Variants in CREM observed in about 807,000 individuals in gnomAD.
The protein encoded by CREM is cAMP-responsive element modulator.
Under a neutral mutation model 37.3 loss-of-function variants are expected in CREM, and 13 were observed. The ratio of observed to expected loss-of-function variants is 0.35; its 90% CI spans 0.23 to 0.55. The LOEUF (loss-of-function observed/expected upper bound fraction) is 0.55. Among genes scored for constraint, CREM ranks in the 20% least tolerant of loss-of-function variants. The pLI is 0.88. For synonymous variants in CREM, 124 were observed against 120.2 expected, an observed-to-expected ratio of 1.03 and a Z score of -0.21; for missense variants, 296 against 362.3, an observed-to-expected ratio of 0.82 and a Z score of 1.49.
chr10:35,151,931 A>G (rs1318993051), intron 3 of CREM, among the ~76,000 whole-genome samples: 1 of 152,220 alleles, frequency 6.6e-6, no homozygotes, highest in Non-Finnish European at 1.5e-5. Flanking sequence ...TGTTACTATC[A>G]TACAATAGTA....
At chr10:35,178,281 T>G (rs886717373) in intron 3 of CREM, among the ~76,000 whole-genome samples, 1 of 152,224 alleles carries the variant, frequency 6.6e-6, no homozygotes, top group Admixed American at 6.5e-5. Flanking sequence ...CTGATCTTTC[T>G]CTTAAGGAGA....
intron 5 of CREM, among the ~76,000 whole-genome samples, chr10:35,186,798 G>A (rs1018860538): frequency 8.5e-6 from 1 of 117,986 alleles, no homozygotes; most frequent in African/African-American, 3.3e-5. Flanking sequence ...ACATAATTAT[G>A]TTATATATAA....
rs779254255 is a variant in CREM at position 35,188,221 on chromosome 10, C to T, written c.431C>T (p.Thr144Ile). ...TAAGTTGCTATAGCCCAAGGTGGAACAATCCAGATTTCTAACCCAGGATCT... is the reference window on the plus strand; with the variant it reads ...TAAGTTGCTATAGCCCAAGGTGGAATAATCCAGATTTCTAACCCAGGATCT... The part of the protein sequence containing the change: ...GQYIAIAQGG[T>I]IQISNPGSDG... Residue 144 changes from threonine (T) to isoleucine (I), a missense_variant, in exon 6 of 8, where the codon ACA becomes ATA. By Grantham distance (89) the Thr-to-Ile change is moderately conservative. This residue lies in a region of CREM where 257 missense variants were observed against 280.2 expected (regional missense o/e 0.92). Coordinates refer to ENST00000685392, the MANE Select transcript of CREM (RefSeq NM_183011.2). 1 of 1,613,560 alleles carries T rather than the reference C, an allele frequency of 6.2e-7. No individual in the cohort carries two copies.
intron 2 of CREM, among the ~76,000 whole-genome samples, chr10:35,146,680 A>G (rs186185334): frequency 7.2e-4 from 110 of 152,298 alleles, no homozygotes; most frequent in Admixed American, 1.3e-3. Context: ...ACATTTTTCT[A>G]TGGTAGGCTC....
intron 3 of CREM, among the ~76,000 whole-genome samples, chr10:35,164,643 C>G (rs1332521139): frequency 6.6e-6 from 1 of 152,220 alleles, no homozygotes; most frequent in Non-Finnish European, 1.5e-5. Flanking sequence ...TTGTAAGGAG[C>G]TAAACTCTTA....
At chr10:35,135,073 C>A (rs1433797398) in intron 1 of CREM, among the ~76,000 whole-genome samples, 1 of 151,662 alleles carries the variant, frequency 6.6e-6, no homozygotes, top group Non-Finnish European at 1.5e-5. Flanking sequence ...TTAATTGAAG[C>A]TGTTGCACCA....
intron 2 of CREM, among the ~76,000 whole-genome samples, chr10:35,138,347 AAG>A (rs1277181238): frequency 1.3e-5 from 2 of 152,224 alleles, no homozygotes; most frequent in African/African-American, 4.8e-5. Context: ...TGTAGTCCTA[AAG>A]AGAAAATTGA....
intron 1 of CREM, among the ~76,000 whole-genome samples, chr10:35,135,933 G>T (rs2090435835): frequency 6.6e-6 from 1 of 152,108 alleles, no homozygotes; most frequent in African/African-American, 2.4e-5. Context: ...AAGCAGGCAA[G>T]CGTTCATTGG....
At chr10:35,198,677 A>G (rs2095291520) in intron 6 of CREM, among the ~76,000 whole-genome samples, 1 of 152,140 alleles carries the variant, frequency 6.6e-6, no homozygotes, top group South Asian at 2.1e-4. Flanking sequence ...TCTGAGTCTG[A>G]CGTTGCATTC....
intron 7 of CREM, among the ~76,000 whole-genome samples, chr10:35,209,047 G>A (rs2095605037): frequency 6.6e-6 from 1 of 152,182 alleles, no homozygotes; most frequent in Admixed American, 6.5e-5. Context: ...AGTTGGTCAA[G>A]ATCACATGGC....
At chr10:35,176,674 G>T (rs893978081) in intron 3 of CREM, among the ~76,000 whole-genome samples, 4 of 152,014 alleles carry the variant, frequency 2.6e-5, no homozygotes, top group Non-Finnish European at 5.9e-5. Flanking sequence ...TTCCCAAAGT[G>T]CTGGGATTAC....
chr10:35,187,018 AAT>A (rs1296021159), intron 5 of CREM, among the ~76,000 whole-genome samples: 3 of 79,052 alleles, frequency 3.8e-5, no homozygotes, highest in South Asian at 3.2e-4. Context: ...TATAATATAT[AAT>A]ATATATCACA....
chr10:35,155,727 C>G (rs951921154), intron 3 of CREM, among the ~76,000 whole-genome samples: 5 of 151,680 alleles, frequency 3.3e-5, no homozygotes, highest in African/African-American at 9.7e-5. Context: ...CTCCCAGGTT[C>G]AAGTGATTCT....
chr10:35,174,183 T>C (rs1187732756), intron 3 of CREM, among the ~76,000 whole-genome samples: 2 of 152,204 alleles, frequency 1.3e-5, no homozygotes, highest in Admixed American at 6.5e-5. Context: ...CCAACTGTTA[T>C]CTAGGTTTAG....
rs180723445 is a variant in CREM, at chr10:35,211,638, G to A, written c.*240G>A. On this transcript the variant is annotated 3_prime_UTR_variant, in exon 8 of 8. Transcript: ENST00000685392. ...GCAAAAAATGCTTTGTTTGCCCTTT[G>A]CTTCTGCTTTTTTTCAGGGAAGCTG... is the stretch of plus-strand genomic sequence containing the variant. 1.9e-5 allele frequency: 31 copies of A among 1,608,312 alleles called. No homozygotes were observed. In the Admixed American group the frequency reaches 5.1e-4, roughly 27 times the overall value.
intron 6 of CREM, chr10:35,196,047 C>A: frequency 6.2e-7 from 1 of 1,613,978 alleles, no homozygotes; most frequent in South Asian, 1.1e-5. Context: ...GGAAACACGT[C>A]ATGAAACTGT....
intron 5 of CREM, among the ~76,000 whole-genome samples, chr10:35,187,789 G>C (rs1007067469): frequency 2.0e-5 from 3 of 152,138 alleles, no homozygotes; most frequent in African/African-American, 7.2e-5. Context: ...ACAGGCATGA[G>C]CCACCACACC....
intron 3 of CREM, among the ~76,000 whole-genome samples, chr10:35,163,370 A>G (rs1217701059): frequency 6.6e-6 from 1 of 151,914 alleles, no homozygotes; most frequent in East Asian, 1.9e-4. Flanking sequence ...CTCATCTCCA[A>G]GGGCTTGTTT....
At chr10:35,178,732 C>T (rs1392170445) in intron 3 of CREM, 157 bp from the exon 4 acceptor site, 5 of 540,720 alleles carry the variant, frequency 9.2e-6, no homozygotes, top group Non-Finnish European at 1.6e-5. Context: ...CTTTCTTGAG[C>T]CAGACTCCTT....
Sources: allele counts gnomAD v4.1 joint callset (sites outside exome capture counted in the v4.1 genomes callset), GRCh38; gene constraint gnomAD v4.1.1; regional missense constraint gnomAD v4.1.1; transcripts MANE v1.5; gene names NCBI Gene and HGNC (gene_info 2026-07-23, HGNC 2026-07-21).